The following CASP14 variants were observed in gnomAD, a reference collection of about 807,000 sequenced individuals.
The protein encoded by CASP14 is caspase 14.
CASP14 carries 27 observed loss-of-function variants against 28.4 expected under a neutral mutation model. The observed-to-expected ratio is 0.95, with a 90% CI of 0.70 to 1.31. The LOEUF (loss-of-function observed/expected upper bound fraction) is 1.31. Among genes scored for constraint, CASP14 ranks in the 50% most tolerant of loss-of-function variants. The pLI, the probability that CASP14 is intolerant of heterozygous loss-of-function variation, is 0.00. For missense variants in CASP14, 323 were observed against 312.8 expected (o/e 1.03, Z -0.25); for synonymous variants, 115 against 118.6 (o/e 0.97, Z 0.20).
chr19:15,055,508 G>T lies in CASP14; in HGVS notation c.599G>T (p.Gly200Val), dbSNP rs150030379. ...GTGGATGTGTTCACGAAGAGGAAAG[G>T]ACATATCTTGGAACTTCTGACAGAG... ...TLVDVFTKRK[G>V]HILELLTEVT... is the part of the protein sequence containing the mutation. The change falls in exon 6 of 7, where the codon GGA becomes GTA. Residue 200 changes from glycine (G) to valine (V), a missense_variant. Transcript: ENST00000427043. 1.2e-6 allele frequency: 2 copies of T among 1,613,874 alleles called. No individual in the cohort carries two copies. Among genetic ancestry groups the T allele is most frequent in the African/African-American group, 2.7e-5 (2 of 74,898 alleles).
chr19:15,055,220 C>A lies in CASP14; in HGVS notation c.466C>A (p.Pro156Thr). 1 of 1,614,044 alleles carries A rather than the reference C, an allele frequency of 6.2e-7. No individual in the cohort carries two copies. Residue 156 changes from proline (P) to threonine (T), a missense_variant, in exon 5 of 7, where the codon CCA becomes ACA. Transcript: ENST00000427043. ...GATTGTGATGGTCATCAAAGACAGC[C>A]CACAAACCATCCCAACATACACAGA... is the stretch of plus-strand genomic sequence containing the variant. ...DEIVMVIKDS[P>T]QTIPTYTDAL... is the part of the protein sequence containing the mutation.
chr19:15,057,116 T>G lies in CASP14; in HGVS notation c.*1027T>G, dbSNP rs1263787115. The G allele has an allele frequency of 6.6e-6, 1 of 152,156 alleles. No individual in the cohort carries two copies. Among genetic ancestry groups the G allele is most frequent in the East Asian group, 1.9e-4 (1 of 5,192 alleles). The allele number at this position is 152,156 out of a possible 1,614,324, so 9.4% of individuals were successfully genotyped here. On this transcript the variant is annotated 3_prime_UTR_variant, in exon 7 of 7. Coordinates refer to ENST00000427043, the MANE Select transcript of CASP14 (RefSeq NM_012114.3). ...CAGCCAAGGTTACCTCCAGGTAACC[T>G]TGCAGCACCAGGCTGGAAGTCAGAT... is the stretch of plus-strand genomic sequence containing the variant.
chr19:15,053,976 A>C lies in CASP14; in HGVS notation c.403+18A>C. On this transcript the variant is annotated intron_variant, in intron 4 of 6. Coordinates refer to ENST00000427043, the MANE Select transcript of CASP14 (RefSeq NM_012114.3). ...TCGAGGAGGTGGGGACAGATCCAAG[A>C]GCACAGAGTCTGTGGTTTGTTGTTT... The C allele has an allele frequency of 6.3e-7, 1 of 1,596,162 alleles. No homozygotes were observed. The highest frequency in any genetic ancestry group is 1.1e-5 in the South Asian group (1 of 89,968).
rs2046117988 is a variant in CASP14, at chr19:15,056,448, C to T, written c.*359C>T. 2 of 214,256 alleles carry T rather than the reference C, an allele frequency of 9.3e-6. No individual in the cohort carries two copies. The highest frequency in any genetic ancestry group is 1.9e-5 in the Non-Finnish European group (2 of 104,336). The allele number at this position is 214,256 out of a possible 1,614,324, so 13.3% of individuals were successfully genotyped here. A position where few individuals can be genotyped will look rare whatever the true frequency, so the allele number is the denominator to read the frequency against. Reference sequence around the variant, plus strand: ...AAGCTCAAGATTTTCCATAGACAAACCAAAGCCCACTCATCCCCTCCTACC... The same window carrying T: ...AAGCTCAAGATTTTCCATAGACAAATCAAAGCCCACTCATCCCCTCCTACC... On this transcript the variant is annotated 3_prime_UTR_variant, in exon 7 of 7. Transcript: ENST00000427043.
In CASP14 at chr19:15,056,116, C is replaced by T. The variant is rs2046116404; in HGVS notation, c.*27C>T. 4 of 1,506,388 alleles carry T rather than the reference C, an allele frequency of 2.7e-6. No homozygotes were observed. The highest frequency in any genetic ancestry group is 1.4e-5 in the African/African-American group (1 of 72,552). The allele number at this position is 1,506,388 out of a possible 1,614,324, so 93.3% of individuals were successfully genotyped here. The stretch of plus-strand genomic sequence containing the variant: ...AGTAGAAAGACCAGGAGGAGCTTTC[C>T]TTCCAGCATTCTTTCTGTCTCACAG... On this transcript the variant is annotated 3_prime_UTR_variant, in exon 7 of 7. Transcript: ENST00000427043.
chr19:15,056,047 T>C lies in CASP14; in HGVS notation c.687T>C (p.Pro229=). 2 of 1,608,178 alleles carry C rather than the reference T, an allele frequency of 1.2e-6. No homozygotes were observed. The highest frequency in any genetic ancestry group is 2.7e-5 in the African/African-American group (2 of 74,954). ...VQEGKARKTN[P]EIQSTLRKRL... The stretch of plus-strand genomic sequence containing the variant: ...AAGGAAAAGCAAGGAAAACGAACCC[T>C]GAAATCCAAAGCACCCTCCGGAAAC... The change falls in exon 7 of 7, where the codon CCT becomes CCC. Residue 229 remains proline (P), a synonymous_variant. Transcript: ENST00000427043.
rs376689987 is a variant in CASP14, at chr19:15,053,927, C to T, written c.372C>T (p.Pro124=). Residue 124 remains proline (P), a synonymous_variant, in exon 4 of 7, where the codon CCC becomes CCT. Transcript: ENST00000427043. ...ACTGCCAGGCCCTGCGAGCTAAGCC[C>T]AAGGTGTACATCATACAGGCCTGTC... ...NKNCQALRAK[P]KVYIIQACRG... is the part of the protein sequence containing the mutation. 176 of 1,613,880 alleles carry T rather than the reference C, an allele frequency of 1.1e-4. 1 individual carries two copies. The highest frequency in any genetic ancestry group is 2.4e-5 in the Non-Finnish European group (28 of 1,180,004).
At chr19:15,050,626 T>A (rs2046086034) in intron 1 of CASP14, among the ~76,000 whole-genome samples, 1 of 150,820 alleles carries the variant, frequency 6.6e-6, no homozygotes, top group Non-Finnish European at 1.5e-5. Flanking sequence ...AGTTGGAAGA[T>A]AGAATAGATG....
intron 1 of CASP14, among the ~76,000 whole-genome samples, chr19:15,050,831 T>C (rs1600067081): frequency 6.6e-6 from 1 of 151,672 alleles, no homozygotes; most frequent in African/African-American, 2.4e-5. Flanking sequence ...TGTGAGTGGG[T>C]GGATGGATGG....
chr19:15,055,345 C>G (rs768102812), intron 5 of CASP14, 71 bp downstream of exon 5: 22 of 1,556,194 alleles, frequency 1.4e-5, no homozygotes, highest in African/African-American at 2.7e-5. Context: ...ACTCCTGAAC[C>G]TCTCCTCCAG....
At chr19:15,054,801 T>C in intron 4 of CASP14, 1 of 178,342 alleles carries the variant, frequency 5.6e-6, no homozygotes, top group Non-Finnish European at 1.2e-5. Flanking sequence ...CCACCATGCC[T>C]GGCTAATTTT....
intron 2 of CASP14, among the ~76,000 whole-genome samples, chr19:15,052,709 G>A: frequency 6.6e-6 from 1 of 152,150 alleles, no homozygotes; most frequent in Non-Finnish European, 1.5e-5. Flanking sequence ...CAAGTGAGGA[G>A]GTAATAGAGG....
chr19:15,052,216 G>A lies in CASP14; in HGVS notation c.-36G>A. 6.3e-7 allele frequency: 1 copy of A among 1,581,544 alleles called. No homozygotes were observed. Among genetic ancestry groups the A allele is most frequent in the Non-Finnish European group, 8.6e-7 (1 of 1,165,354 alleles). ...TCTCTTGACTCCAAGGATCAGACAA[G>A]GGTGCTGAGAGCCGGGACTCACAAC... On this transcript the variant is annotated 5_prime_UTR_variant, in exon 2 of 7. Transcript: ENST00000427043.
chr19:15,051,502 C>CA (rs3040744), intron 1 of CASP14, among the ~76,000 whole-genome samples: 27,286 of 84,572 alleles, frequency 0.32, 5,163 homozygotes, highest in South Asian at 0.39. Flanking sequence ...GATTCTGTCT[C>CA]AAAAAAAAAA....
chr19:15,051,502 C>CAAAAAAAAAAAA (rs3040744), intron 1 of CASP14, among the ~76,000 whole-genome samples: 3 of 84,654 alleles, frequency 3.5e-5, no homozygotes, highest in Non-Finnish European at 6.5e-5. Flanking sequence ...GATTCTGTCT[C>CAAAAAAAAAAAA]AAAAAAAAAA....
In CASP14 at chr19:15,055,531, G is replaced by A. The variant is rs914741838; in HGVS notation, c.622G>A (p.Glu208Lys). The change falls in exon 6 of 7, where the codon GAG becomes AAG. Residue 208 changes from glutamate (E) to lysine (K), a missense_variant and splice_region_variant. Transcript: ENST00000427043. ...RKGHILELLT[E>K]VTRRMAEAEL... ...AGGACATATCTTGGAACTTCTGACA[G>A]AGGTGAGTTGACAAAAGGTAGCTGG... is the stretch of plus-strand genomic sequence containing the variant. The A allele has an allele frequency of 6.2e-7, 1 of 1,612,550 alleles. No homozygotes were observed. Among genetic ancestry groups the A allele is most frequent in the Middle Eastern group, 1.7e-4 (1 of 6,060 alleles).
In CASP14 at chr19:15,056,201, C is replaced by A; in HGVS notation, c.*112C>A. On this transcript the variant is annotated 3_prime_UTR_variant, in exon 7 of 7. Transcript: ENST00000427043. ...CTTCTGTTCCCAAGGCCAAATGGCA[C>A]CCAGTTTCTTTTCCATCACACCCTT... 1.2e-6 allele frequency: 1 copy of A among 833,272 alleles called. No homozygotes were observed. The highest frequency in any genetic ancestry group is 1.9e-6 in the Non-Finnish European group (1 of 517,360). The allele number at this position is 833,272 out of a possible 1,614,324, so 51.6% of individuals were successfully genotyped here. A position where few individuals can be genotyped will look rare whatever the true frequency, so the allele number is the denominator to read the frequency against.
In CASP14 at chr19:15,055,491, GT is replaced by G. The variant is rs1157912017; in HGVS notation, c.584del (p.Phe195SerfsTer12). ...SCFIQTLVDV[F>X]TKRKGHILEL... ...GCTTTATCCAGACCCTGGTGGATGTGTTCACGAAGAGGAAAGGACATATCTT... is the reference window on the plus strand; with the variant it reads ...GCTTTATCCAGACCCTGGTGGATGTGTCACGAAGAGGAAAGGACATATCTT... On this transcript the variant is annotated frameshift_variant, in exon 6 of 7. Transcript: ENST00000427043. LOFTEE classifies it high-confidence loss of function. 1 of 1,614,116 alleles carries G rather than the reference GT, an allele frequency of 6.2e-7. No individual in the cohort carries two copies. Among genetic ancestry groups the G allele is most frequent in the Non-Finnish European group, 8.5e-7 (1 of 1,179,990 alleles).
chr19:15,053,751 G>T lies in CASP14; in HGVS notation c.196G>T (p.Glu66Ter). The T allele has an allele frequency of 6.2e-7, 1 of 1,613,670 alleles. No homozygotes were observed. Among genetic ancestry groups the T allele is most frequent in the Non-Finnish European group, 8.5e-7 (1 of 1,179,616 alleles). Residue 66 changes from glutamate (E) to a stop codon, truncating the protein, a stop_gained, in exon 4 of 7, where the codon GAA (glutamate) becomes TAA (stop). Transcript: ENST00000427043. LOFTEE classifies it high-confidence loss of function. ...ACTCCAGCAATTCCAGGAAGAGCTG[G>T]AAAAATTCCAGCAGGCCATCGATTC... ...PTAEQFQEEL[E>*]KFQQAIDSRE...
Sources: gnomAD v4.1 joint callset for allele counts (sites outside exome capture counted in the v4.1 genomes callset) on GRCh38, gnomAD v4.1.1 for gene constraint, MANE v1.5 for transcripts, NCBI Gene and HGNC (gene_info 2026-07-23, HGNC 2026-07-21) for gene names.